The following UCMA variants were observed in gnomAD, a reference collection of about 807,000 sequenced individuals.
UCMA encodes upper zone of growth plate and cartilage matrix associated.
A neutral mutation model predicts 21.8 loss-of-function variants in UCMA; 21 were observed. That is an observed-to-expected ratio of 0.97 (90% CI 0.68 to 1.39). The LOEUF (loss-of-function observed/expected upper bound fraction) is 1.39, where lower values mean the gene tolerates loss of function less well. Among genes scored for constraint, UCMA ranks in the 40% most tolerant of loss-of-function variants. The pLI, the probability that UCMA is intolerant of heterozygous loss-of-function variation, is 0.00. For synonymous variants in UCMA, 76 were observed against 67.9 expected (o/e 1.12, Z -0.58); for missense variants, 193 against 178.9 (o/e 1.08, Z -0.45).
chr10:13,226,573 C>G (rs1401854406), intron 4 of UCMA, among the ~76,000 whole-genome samples: 1 of 152,198 alleles, frequency 6.6e-6, no homozygotes, highest in Non-Finnish European at 1.5e-5. Context: ...AATGCTCCCA[C>G]TTTGGCCTCC....
intron 3 of UCMA, among the ~76,000 whole-genome samples, chr10:13,230,416 A>C (rs535265958): frequency 6.6e-6 from 1 of 152,342 alleles, no homozygotes; most frequent in African/African-American, 2.4e-5. Flanking sequence ...TGGAATAAAA[A>C]TTCCCGGTTG....
At chr10:13,223,712 C>T (rs1470245378) in intron 4 of UCMA, among the ~76,000 whole-genome samples, 16 of 152,050 alleles carry the variant, frequency 1.1e-4, no homozygotes, top group Non-Finnish European at 4.4e-5. Flanking sequence ...CCACCACGCC[C>T]GCCTAATTTT....
intron 3 of UCMA, among the ~76,000 whole-genome samples, chr10:13,232,203 G>A (rs571462853): frequency 2.2e-4 from 34 of 151,876 alleles, no homozygotes; most frequent in Non-Finnish European, 4.4e-4. Context: ...GCAAAATTCT[G>A]TCTCTACAAA....
intron 4 of UCMA, among the ~76,000 whole-genome samples, chr10:13,222,814 C>T (rs184406704): frequency 1.2e-3 from 185 of 150,652 alleles, no homozygotes; most frequent in Non-Finnish European, 1.9e-3. Flanking sequence ...ACTTCAGCCT[C>T]CTTTCACCAT....
At chr10:13,229,737 C>A in intron 3 of UCMA, 28 bp from the exon 4 acceptor site, 1 of 1,604,684 alleles carries the variant, frequency 6.2e-7, no homozygotes, top group South Asian at 1.1e-5. Context: ...GCAAGAGTTG[C>A]CCCTCAAGAA....
In UCMA at chr10:13,229,644, C is replaced by G. The variant is rs1834872645; in HGVS notation, c.286G>C (p.Glu96Gln). Residue 96 changes from glutamate to glutamine, a missense_variant, in exon 4 of 5, where the codon GAA becomes CAA. Physicochemically the swap from Glu to Gln is conservative, Grantham distance 29 (BLOSUM62 2). Coordinates refer to ENST00000378681, the MANE Select transcript of UCMA (RefSeq NM_145314.3). ...TGTTCCTCCACGAAGTTCTCAAATT[C>G]ATTCCTTTGTTCCTCGTAATATTCT... ...RREYYEEQRN[E>Q]FENFVEEQND... The G allele has an allele frequency of 1.9e-6, 3 of 1,614,042 alleles. No individual in the cohort carries two copies. The highest frequency in any genetic ancestry group is 3.3e-5 in the Admixed American group (2 of 59,994).
chr10:13,222,551 G>A (rs1440959331), intron 4 of UCMA, among the ~76,000 whole-genome samples: 1 of 152,176 alleles, frequency 6.6e-6, no homozygotes, highest in Non-Finnish European at 1.5e-5. Context: ...ACAGTAGCAG[G>A]AATGGACTAC....
intron 4 of UCMA, among the ~76,000 whole-genome samples, chr10:13,228,684 G>A (rs75241629): frequency 0.063 from 9,521 of 152,200 alleles, 409 homozygotes; most frequent in South Asian, 0.1. Context: ...AGGCACCTGC[G>A]AGTGAGTGTG....
chr10:13,230,809 C>A (rs986556771), intron 3 of UCMA, among the ~76,000 whole-genome samples: 2 of 152,240 alleles, frequency 1.3e-5, no homozygotes, highest in Non-Finnish European at 2.9e-5. Flanking sequence ...GTAATCCCAG[C>A]ACTTTGGGAG....
At chr10:13,234,129 G>A (rs1389383313) in intron 1 of UCMA, 72 bp downstream of exon 1, 3 of 1,459,904 alleles carry the variant, frequency 2.1e-6, no homozygotes, top group Non-Finnish European at 1.9e-6. Flanking sequence ...CACCTGAGCA[G>A]CCTTACCTGT....
In UCMA at chr10:13,223,190, C is replaced by T. The variant is rs539188411; in HGVS notation, c.320-990G>A. ...GCAGTGAGCTGAGATCACGCCACTGCACTCCAGCCTGGGCGACAGAGTGAG... is the reference window on the plus strand; with the variant it reads ...GCAGTGAGCTGAGATCACGCCACTGTACTCCAGCCTGGGCGACAGAGTGAG... On this transcript the variant is annotated intron_variant, in intron 4 of 4. Transcript: ENST00000378681. 2.0e-5 allele frequency among the ~76,000 whole-genome samples: 3 copies of T among 148,392 alleles called. No individual in the cohort carries two copies. In the East Asian group the frequency reaches 6.1e-4, roughly 30 times the overall value.
At chr10:13,230,647 TG>T (rs1251167911) in intron 3 of UCMA, among the ~76,000 whole-genome samples, 1 of 152,070 alleles carries the variant, frequency 6.6e-6, no homozygotes, top group Non-Finnish European at 1.5e-5. Context: ...AAGAGGAGGC[TG>T]GGGGGTGCTG....
In UCMA at chr10:13,222,049, G is replaced by A. The variant is rs1403777319; in HGVS notation, c.*54C>T. On this transcript the variant is annotated 3_prime_UTR_variant, in exon 5 of 5. Coordinates refer to ENST00000378681, the MANE Select transcript of UCMA (RefSeq NM_145314.3). ...TGCATGGGAAAGATTGCTGGAACAC[G>A]GGGATGCCAATGGTGCTACAAGCTT... is the stretch of plus-strand genomic sequence containing the variant. The A allele has an allele frequency of 8.2e-6, 13 of 1,590,146 alleles. No homozygotes were observed. Among genetic ancestry groups the A allele is most frequent in the Admixed American group, 1.7e-5 (1 of 59,860 alleles).
chr10:13,229,184 C>A (rs1039145358), intron 4 of UCMA, among the ~76,000 whole-genome samples: 1 of 152,146 alleles, frequency 6.6e-6, no homozygotes, highest in Admixed American at 6.6e-5. Flanking sequence ...GATCTACCCT[C>A]CTCAGCCTCC....
rs1011282997 is a variant in UCMA, at chr10:13,234,083, C to T, written c.58+118G>A. 3 of 892,144 alleles carry T rather than the reference C, an allele frequency of 3.4e-6. No homozygotes were observed. In the East Asian group the frequency reaches 8.3e-5, roughly 25 times the overall value. 55.3% of individuals were successfully genotyped at this position (892,144 alleles called of 1,614,324 possible). A position where few individuals can be genotyped will look rare whatever the true frequency, so the allele number is the denominator to read the frequency against. ...CATGCACACGACACACACATACACA[C>T]ATGTTAACAATAAGCATACTCCTTT... On this transcript the variant is annotated intron_variant, in intron 1 of 4. Transcript: ENST00000378681.
rs535262637 is a variant in UCMA, at chr10:13,223,460, G to A, written c.320-1260C>T. 3.9e-5 allele frequency among the ~76,000 whole-genome samples: 6 copies of A among 152,282 alleles called. No individual in the cohort carries two copies. The South Asian group carries it at 1.2e-3, about 32-fold the overall frequency. On this transcript the variant is annotated intron_variant, in intron 4 of 4. Coordinates refer to ENST00000378681, the MANE Select transcript of UCMA (RefSeq NM_145314.3). Reference sequence around the variant, plus strand: ...AAGTTCTGGCACATTCTACAACATGGACAAACCTTAAAAATATTCTGCTGA... The same window carrying A: ...AAGTTCTGGCACATTCTACAACATGAACAAACCTTAAAAATATTCTGCTGA...
intron 1 of UCMA, 117 bp from the exon 2 acceptor site, chr10:13,233,917 G>C (rs934133989): frequency 1.5e-6 from 2 of 1,330,450 alleles, no homozygotes; most frequent in African/African-American, 2.9e-5. Flanking sequence ...CAGGGGGCCC[G>C]TGGTTTCTCA....
intron 4 of UCMA, among the ~76,000 whole-genome samples, chr10:13,228,696 ACT>A (rs1327056865): frequency 6.6e-6 from 1 of 151,990 alleles, no homozygotes; most frequent in Non-Finnish European, 1.5e-5. Flanking sequence ...GTGAGTGTGG[ACT>A]CTGTCCAATA....
At chr10:13,233,983 T>A (rs190866610) in intron 1 of UCMA, among the ~76,000 whole-genome samples, 183 bp from the exon 2 acceptor site, 5 of 151,498 alleles carry the variant, frequency 3.3e-5, no homozygotes, top group African/African-American at 1.2e-4. Context: ...CTGGCTTGGG[T>A]TTTTTTTCTA....
Sources: allele counts gnomAD v4.1 joint callset (sites outside exome capture counted in the v4.1 genomes callset), GRCh38; gene constraint gnomAD v4.1.1; transcripts MANE v1.5; gene names NCBI Gene and HGNC (gene_info 2026-07-23, HGNC 2026-07-21).